The following EPB41L4A variants were observed in gnomAD, a reference collection of about 807,000 sequenced individuals.
The protein encoded by EPB41L4A is band 4.1-like protein 4A.
In EPB41L4A, 100 loss-of-function variants were observed where a neutral mutation model predicts 108.6. That is an observed-to-expected ratio of 0.92 (90% CI 0.78 to 1.09). The LOEUF is 1.09. Ranked by LOEUF, EPB41L4A falls within the 50% of genes least tolerant of loss-of-function variation. The pLI is 0.00. For missense variants in EPB41L4A, 1,030 were observed against 842.7 expected (o/e 1.22, Z -2.75); for synonymous variants, 319 against 289.0 (o/e 1.10, Z -1.05).
At chr5:112,259,781 A>G in intron 8 of EPB41L4A, 110 bp downstream of exon 8, 2 of 763,802 alleles carry the variant, frequency 2.6e-6, no homozygotes, top group Non-Finnish European at 4.6e-6. Flanking sequence ...TCATTTATTT[A>G]TCACCCACTG....
intron 12 of EPB41L4A, among the ~76,000 whole-genome samples, chr5:112,222,009 A>T (rs753737626): frequency 4.6e-5 from 7 of 152,152 alleles, no homozygotes; most frequent in Non-Finnish European, 8.8e-5. Flanking sequence ...ACAAACATAC[A>T]CCTGACTATA....
Position 112,419,233 on chromosome 5 carries a change from G to A in EPB41L4A, c.-194C>T, listed in dbSNP as rs1032616254. 1 of 456,004 alleles carries A rather than the reference G, an allele frequency of 2.2e-6. No individual in the cohort carries two copies. The highest frequency in any genetic ancestry group is 3.9e-6 in the Non-Finnish European group (1 of 257,848). 28.2% of individuals were successfully genotyped at this position (456,004 alleles called of 1,614,324 possible). ...GGAGCGAGAAAGGCGGAAAAGCCCG[G>A]GAGAGTCAGCGCCCGGGAGCCGCCG... is the stretch of plus-strand genomic sequence containing the variant. On this transcript the variant is annotated 5_prime_UTR_variant, in exon 1 of 23. Coordinates refer to ENST00000261486, the MANE Select transcript of EPB41L4A (RefSeq NM_022140.5).
chr5:112,260,011 T>C (rs1228433575), intron 7 of EPB41L4A, 32 bp from the exon 8 acceptor site: 5 of 1,409,900 alleles, frequency 3.5e-6, no homozygotes, highest in Admixed American at 1.7e-5. Flanking sequence ...TATAACCACA[T>C]ATTCACATAA....
intron 9 of EPB41L4A, among the ~76,000 whole-genome samples, chr5:112,251,316 T>C (rs1001845858): frequency 6.6e-6 from 1 of 152,026 alleles, no homozygotes; most frequent in Non-Finnish European, 1.5e-5. Flanking sequence ...CAAAAACACA[T>C]ACACACAAAA....
At chr5:112,407,925 G>A (rs62365254) in intron 1 of EPB41L4A, among the ~76,000 whole-genome samples, 2,888 of 152,206 alleles carry the variant, frequency 0.019, 36 homozygotes, top group Non-Finnish European at 0.03. Context: ...ATACAGTGTC[G>A]CTGCTCCAGG....
chr5:112,401,805 C>G (rs1374228568), intron 1 of EPB41L4A, among the ~76,000 whole-genome samples: 2 of 152,170 alleles, frequency 1.3e-5, no homozygotes, highest in Non-Finnish European at 2.9e-5. Flanking sequence ...AGTAAAACCT[C>G]AAGATACACT....
At position 112,209,893 on chromosome 5, in the gene EPB41L4A, T is replaced by A. The variant is rs748252537; in HGVS notation, c.1177A>T (p.Ser393Cys). ...IKIIAPSPVK[S>C]FKKAKNENSP... The stretch of plus-strand genomic sequence containing the variant: ...GTTTCTTCAGTTAACTTCACTGACC[T>A]TTTTACTGGTGAAGGTGCAATAATT... The change falls in exon 13 of 23, where the codon AGC becomes TGC. Residue 393 changes from serine to cysteine, a missense_variant and splice_region_variant. Coordinates refer to ENST00000261486, the MANE Select transcript of EPB41L4A (RefSeq NM_022140.5). The A allele has an allele frequency of 3.8e-6, 6 of 1,590,036 alleles. No individual in the cohort carries two copies. The highest frequency in any genetic ancestry group is 1.7e-5 in the Admixed American group (1 of 59,150).
chr5:112,266,358 A>G (rs1457294364), intron 4 of EPB41L4A, 28 bp from the exon 5 acceptor site: 2 of 1,471,972 alleles, frequency 1.4e-6, no homozygotes, highest in Non-Finnish European at 1.9e-6. Flanking sequence ...AGAGAGATTA[A>G]CGATCTCTTA....
At chr5:112,338,758 C>G (rs1757080221) in intron 1 of EPB41L4A, among the ~76,000 whole-genome samples, 1 of 152,214 alleles carries the variant, frequency 6.6e-6, no homozygotes, top group South Asian at 2.1e-4. Flanking sequence ...ATCTGAGTCA[C>G]TGCCTAAGCA....
intron 17 of EPB41L4A, among the ~76,000 whole-genome samples, chr5:112,189,083 C>G (rs1356078259): frequency 6.6e-6 from 1 of 152,180 alleles, no homozygotes; most frequent in Non-Finnish European, 1.5e-5. Context: ...CTGGTAGACC[C>G]TAAAAGACAT....
intron 2 of EPB41L4A, among the ~76,000 whole-genome samples, chr5:112,294,646 G>C (rs1245695030): frequency 6.6e-6 from 1 of 151,918 alleles, no homozygotes; most frequent in African/African-American, 2.4e-5. Flanking sequence ...GAAGGGAAGA[G>C]AACAAGAAGG....
At chr5:112,408,398 C>T (rs754983557) in intron 1 of EPB41L4A, among the ~76,000 whole-genome samples, 1 of 151,830 alleles carries the variant, frequency 6.6e-6, no homozygotes. Flanking sequence ...TATAAGGAAC[C>T]CTTCAGAAAG....
chr5:112,363,325 A>C (rs934374280), intron 1 of EPB41L4A: 3 of 151,942 alleles, frequency 2.0e-5, no homozygotes, highest in African/African-American at 7.3e-5. Context: ...TGGTGATGTA[A>C]GAAACAAAAA....
rs866646467 is a variant in EPB41L4A at position 112,282,848 on chromosome 5, A to C, written c.205-2525T>G. ...ATCAGAGTTTTAAATTTCTCCTCCT[A>C]TCATCATCATCATCCCAAAAGACAA... On this transcript the variant is annotated intron_variant, in intron 2 of 22. Transcript: ENST00000261486. Among the ~76,000 whole-genome samples the C allele has an allele frequency of 5.3e-5, 8 of 152,242 alleles. 1 individual carries two copies. In the Middle Eastern group the frequency reaches 0.017, roughly 324 times the overall value.
chr5:112,313,774 T>C (rs1336732350), intron 1 of EPB41L4A, among the ~76,000 whole-genome samples: 2 of 151,512 alleles, frequency 1.3e-5, no homozygotes, highest in African/African-American at 4.9e-5. Context: ...CATAGAGGAA[T>C]ATAGTGATGA....
intron 12 of EPB41L4A, among the ~76,000 whole-genome samples, chr5:112,215,051 T>C (rs972544618): frequency 2.0e-5 from 3 of 152,246 alleles, no homozygotes; most frequent in African/African-American, 7.2e-5. Flanking sequence ...CCACCCATGG[T>C]AGGTACTCAA....
At chr5:112,207,457 A>G in intron 13 of EPB41L4A, among the ~76,000 whole-genome samples, 1 of 152,234 alleles carries the variant, frequency 6.6e-6, no homozygotes, top group East Asian at 1.9e-4. Flanking sequence ...TCTGCACAAC[A>G]AAAGAAACTA....
chr5:112,405,139 T>C (rs980529498), intron 1 of EPB41L4A, among the ~76,000 whole-genome samples: 5 of 152,214 alleles, frequency 3.3e-5, no homozygotes, highest in African/African-American at 7.2e-5. Context: ...TGAGCTCGCA[T>C]TCTCTCATAT....
At chr5:112,152,888 T>C (rs1396627831) in intron 12 of EPB41L4A, among the ~76,000 whole-genome samples, 9 of 152,190 alleles carry the variant, frequency 5.9e-5, no homozygotes, top group Non-Finnish European at 1.0e-4. Flanking sequence ...GATATATCAA[T>C]TGTATGAATA....
Sources: gnomAD v4.1 joint callset for allele counts (sites outside exome capture counted in the v4.1 genomes callset) on GRCh38, gnomAD v4.1.1 for gene constraint, MANE v1.5 for transcripts, NCBI Gene and HGNC (gene_info 2026-07-23, HGNC 2026-07-21) for gene names.